PCNX1: variants seen among roughly 807,000 people sequenced by gnomAD.
PCNX1 encodes pecanex-like protein 1.
A neutral mutation model predicts 242.2 loss-of-function variants in PCNX1; 78 were observed. The ratio of observed to expected loss-of-function variants is 0.32; its 90% CI spans 0.27 to 0.39. The LOEUF is 0.39. Among genes scored for constraint, PCNX1 ranks in the 10% least tolerant of loss-of-function variants. PCNX1 has a pLI of 1.00. For synonymous variants in PCNX1, 1,024 were observed against 1,032.9 expected (o/e 0.99, Z 0.17); for missense variants, 2,581 against 2,856.5 (o/e 0.90, Z 2.20).
At chr14:71,074,095 G>A (rs1024282735) in intron 27 of PCNX1, among the ~76,000 whole-genome samples, 11 of 152,138 alleles carry the variant, frequency 7.2e-5, no homozygotes, top group African/African-American at 2.4e-4. Context: ...ATACACACGT[G>A]TATCTTACTT....
intron 1 of PCNX1, among the ~76,000 whole-genome samples, chr14:70,924,246 AAAAG>A (rs2056497891): frequency 1.3e-5 from 2 of 151,544 alleles, no homozygotes; most frequent in Admixed American, 1.3e-4. Flanking sequence ...AAAAAAAAAA[AAAAG>A]AAAAAGAAAA....
At chr14:70,908,876 A>G (rs2055699033) in intron 1 of PCNX1, among the ~76,000 whole-genome samples, 1 of 152,184 alleles carries the variant, frequency 6.6e-6, no homozygotes, top group African/African-American at 2.4e-5. Flanking sequence ...GCAACATTGA[A>G]AGTTGTTAAG....
intron 30 of PCNX1, among the ~76,000 whole-genome samples, chr14:71,099,659 T>C (rs1223176015): frequency 6.6e-6 from 1 of 152,236 alleles, no homozygotes; most frequent in Non-Finnish European, 1.5e-5. Context: ...CTCAGTGATC[T>C]AACACTGTCA....
chr14:71,068,654 G>A (rs1287243237), intron 26 of PCNX1, among the ~76,000 whole-genome samples: 1 of 113,548 alleles, frequency 8.8e-6, no homozygotes, highest in Non-Finnish European at 1.7e-5. Context: ...ATTGTTGCAT[G>A]TATAGTCACA....
intron 1 of PCNX1, among the ~76,000 whole-genome samples, chr14:70,943,538 A>G (rs2057342879): frequency 1.3e-5 from 2 of 152,200 alleles, no homozygotes; most frequent in South Asian, 2.1e-4. Flanking sequence ...CTAAGCAGCA[A>G]AGTGTTCAAG....
intron 6 of PCNX1, among the ~76,000 whole-genome samples, chr14:70,979,614 T>G (rs2058777756): frequency 1.3e-5 from 2 of 152,172 alleles, no homozygotes; most frequent in South Asian, 4.1e-4. Context: ...AGTTATAGTC[T>G]GTTTGATACA....
rs1434702279 is a variant in PCNX1, at chr14:71,036,081, C to T, written c.3791C>T (p.Ser1264Phe). ...LRNSVSERLQSDLVVCIVIGV... is the reference protein window; with the variant it reads ...LRNSVSERLQFDLVVCIVIGV... ...TCCCCACAGAGTGAGCGATTACAGT[C>T]TGACCTGGTAGTATGCATTGTAATT... The change falls in exon 19 of 36, where the codon TCT (serine) becomes TTT (phenylalanine). Residue 1264 changes from serine (S) to phenylalanine (F), a missense_variant. By Grantham distance (155) the Ser-to-Phe change is radical. This residue lies in a region of PCNX1 where 432 missense variants were observed against 443.1 expected (regional missense o/e 0.97). Transcript: ENST00000304743. The T allele has an allele frequency of 6.2e-7, 1 of 1,601,370 alleles. No homozygotes were observed. Among genetic ancestry groups the T allele is most frequent in the Non-Finnish European group, 8.6e-7 (1 of 1,168,888 alleles).
At chr14:70,908,165 T>C (rs936242751) in intron 1 of PCNX1, among the ~76,000 whole-genome samples, 162 bp downstream of exon 1, 6 of 152,028 alleles carry the variant, frequency 3.9e-5, no homozygotes, top group African/African-American at 1.4e-4. Flanking sequence ...ACTCCTCTCT[T>C]CGGGGCTTTC....
intron 4 of PCNX1, 136 bp from the exon 5 acceptor site, chr14:70,968,885 T>C: frequency 1.7e-6 from 1 of 595,554 alleles, no homozygotes; most frequent in Non-Finnish European, 3.0e-6. Context: ...CTTCCATTAT[T>C]GTAACCTTTG....
intron 13 of PCNX1, 90 bp downstream of exon 13, chr14:71,023,322 G>T: frequency 1.1e-6 from 1 of 946,084 alleles, no homozygotes; most frequent in Non-Finnish European, 1.7e-6. Context: ...TGTTTTGTTT[G>T]GAATGCATCA....
intron 11 of PCNX1, among the ~76,000 whole-genome samples, chr14:71,016,891 G>A (rs1199538830): frequency 6.6e-6 from 1 of 151,944 alleles, no homozygotes; most frequent in Non-Finnish European, 1.5e-5. Flanking sequence ...AGGAAACAGA[G>A]AAATAATAAA....
intron 3 of PCNX1, 45 bp downstream of exon 3, chr14:70,962,376 A>G (rs114186501): frequency 4.0e-6 from 4 of 991,532 alleles, no homozygotes; most frequent in Middle Eastern, 2.0e-4. Context: ...CCTCCTCCTG[A>G]TGGTGGTCTC....
At chr14:71,001,178 T>G (rs1160154907) in intron 8 of PCNX1, among the ~76,000 whole-genome samples, 1 of 152,174 alleles carries the variant, frequency 6.6e-6, no homozygotes, top group African/African-American at 2.4e-5. Flanking sequence ...ATTGTTAGTC[T>G]TCACACTGTT....
intron 30 of PCNX1, among the ~76,000 whole-genome samples, chr14:71,099,897 C>G (rs1310229691): frequency 1.3e-5 from 2 of 152,110 alleles, no homozygotes; most frequent in African/African-American, 4.8e-5. Flanking sequence ...GACCCCTGCT[C>G]TTTTTGTTTG....
At chr14:70,987,441 G>A (rs1001455579) in intron 6 of PCNX1, among the ~76,000 whole-genome samples, 16 of 152,048 alleles carry the variant, frequency 1.1e-4, no homozygotes, top group African/African-American at 3.6e-4. Context: ...GTAGATGACC[G>A]GATTTAATCA....
intron 26 of PCNX1, among the ~76,000 whole-genome samples, chr14:71,064,445 A>G (rs2061398967): frequency 6.6e-6 from 1 of 152,114 alleles, no homozygotes; most frequent in East Asian, 1.9e-4. Context: ...TAAATGTCCA[A>G]ACTTTTACAT....
chr14:70,993,642 A>G (rs576048404), intron 7 of PCNX1, among the ~76,000 whole-genome samples: 1 of 152,352 alleles, frequency 6.6e-6, no homozygotes, highest in South Asian at 2.1e-4. Context: ...GTTCATGCCA[A>G]AATACATCTA....
chr14:71,052,402 G>A (rs1303781958), intron 24 of PCNX1, among the ~76,000 whole-genome samples: 1 of 151,830 alleles, frequency 6.6e-6, no homozygotes, highest in Non-Finnish European at 1.5e-5. Flanking sequence ...TTGTAGAGAT[G>A]GAGTTTGACT....
rs2058537238 is a variant in PCNX1, at chr14:70,971,358, A to G, written c.604+2248A>G. Among the ~76,000 whole-genome samples the G allele has an allele frequency of 2.3e-5, 2 of 86,246 alleles. 1 individual carries two copies. Among genetic ancestry groups the G allele is most frequent in the Non-Finnish European group, 4.9e-5 (2 of 40,484 alleles). The allele number at this position is 86,246 out of a possible 152,430, so 56.6% of individuals were successfully genotyped here. Reference sequence around the variant, plus strand: ...ACGGGGTTTCACCTTGTTAGCCAGGATGGTCTCGATCTCCTGACCTCATGA... The same window carrying G: ...ACGGGGTTTCACCTTGTTAGCCAGGGTGGTCTCGATCTCCTGACCTCATGA... On this transcript the variant is annotated intron_variant, in intron 5 of 35. Transcript: ENST00000304743.
Sources: gnomAD v4.1 joint callset for allele counts (sites outside exome capture counted in the v4.1 genomes callset) on GRCh38, gnomAD v4.1.1 for gene constraint, gnomAD v4.1.1 regional missense constraint, MANE v1.5 for transcripts, NCBI Gene and HGNC (gene_info 2026-07-23, HGNC 2026-07-21) for gene names.